RMST: variants seen among roughly 807,000 people sequenced by gnomAD.
The protein encoded by RMST is long intergenic non-protein coding RNA 54.
intron 10 of RMST, among the ~76,000 whole-genome samples, chr12:97,518,970 G>T (rs1436205048): frequency 6.6e-6 from 1 of 151,990 alleles, no homozygotes; most frequent in Non-Finnish European, 1.5e-5. Context: ...TAGAGATGAG[G>T]TCTCACTATA....
intron 10 of RMST, chr12:97,530,525 T>G (rs184192378): frequency 6.6e-6 from 1 of 152,174 alleles, no homozygotes; most frequent in Non-Finnish European, 1.5e-5. Context: ...TCTCGGAATC[T>G]AAATGTGACA....
intron 11 of RMST, among the ~76,000 whole-genome samples, chr12:97,531,065 G>A (rs753281449): frequency 7.2e-6 from 1 of 138,034 alleles, no homozygotes; most frequent in Non-Finnish European, 1.6e-5. Context: ...AGCTTTTGAT[G>A]ATGAAAATGG....
chr12:97,527,897 G>GA (rs757298188), intron 10 of RMST, among the ~76,000 whole-genome samples: 1 of 151,590 alleles, frequency 6.6e-6, no homozygotes, highest in South Asian at 2.1e-4. Flanking sequence ...ATATTTCACA[G>GA]AAAAAAAATA....
At chr12:97,534,037 A>G (rs961597348) in intron 11 of RMST, among the ~76,000 whole-genome samples, 1 of 151,788 alleles carries the variant, frequency 6.6e-6, no homozygotes, top group African/African-American at 2.4e-5. Context: ...GAGTTGGATA[A>G]TACCTTGAAG....
At chr12:97,483,422 A>T (rs1421612368) in intron 5 of RMST, 1 of 152,198 alleles carries the variant, frequency 6.6e-6, no homozygotes, top group Non-Finnish European at 1.5e-5. Flanking sequence ...AGTATTTTCT[A>T]TTCTTCAGAC....
intron 10 of RMST, among the ~76,000 whole-genome samples, chr12:97,528,466 T>A (rs746735929): frequency 6.6e-6 from 1 of 152,144 alleles, no homozygotes; most frequent in Non-Finnish European, 1.5e-5. Context: ...TCTCTGGGCA[T>A]TTCCTAGGAA....
chr12:97,555,013 C>G (rs1241799234), intron 11 of RMST, among the ~76,000 whole-genome samples: 1 of 152,052 alleles, frequency 6.6e-6, no homozygotes, highest in African/African-American at 2.4e-5. Flanking sequence ...GTATTTGTCT[C>G]TACAGCATAT....
intron 5 of RMST, among the ~76,000 whole-genome samples, chr12:97,478,196 G>C (rs1016786234): frequency 2.0e-5 from 3 of 152,126 alleles, no homozygotes; most frequent in Non-Finnish European, 2.9e-5. Flanking sequence ...AAAATGGAAG[G>C]CTCTTTGTAT....
At chr12:97,474,465 G>C (rs11109050) in intron 5 of RMST, among the ~76,000 whole-genome samples, 16,519 of 151,902 alleles carry the variant, frequency 0.11, 1,096 homozygotes, top group East Asian at 0.17. Flanking sequence ...TAAAAGATGT[G>C]GTTGAGAAAT....
chr12:97,550,544 C>A (rs975087044), intron 11 of RMST, among the ~76,000 whole-genome samples: 21 of 152,146 alleles, frequency 1.4e-4, no homozygotes, highest in African/African-American at 5.1e-4. Flanking sequence ...ATGTAGTTAG[C>A]AAATTCTCAC....
chr12:97,496,471 G>T lies in RMST; in HGVS notation n.1340+415G>T, dbSNP rs538002470. 5.3e-5 allele frequency among the ~76,000 whole-genome samples: 8 copies of T among 152,168 alleles called. No individual in the cohort carries two copies. The East Asian group carries it at 1.2e-3, about 22-fold the overall frequency. On this transcript the variant is annotated intron_variant and non_coding_transcript_variant, in intron 10 of 13. Transcript: ENST00000640149. ...ATATATGTGTTTTACAAAATTTTAC[G>T]TGTCATTATTTGCTCCTATTAGAAC...
chr12:97,473,791 T>A (rs1874206395), intron 5 of RMST, among the ~76,000 whole-genome samples: 1 of 152,146 alleles, frequency 6.6e-6, no homozygotes, highest in Non-Finnish European at 1.5e-5. Context: ...TTTGTATGCA[T>A]GTTCATAATC....
intron 11 of RMST, among the ~76,000 whole-genome samples, chr12:97,534,715 C>T (rs1340533892): frequency 2.6e-5 from 4 of 151,702 alleles, no homozygotes; most frequent in Non-Finnish European, 5.9e-5. Flanking sequence ...TCGGTTTCCA[C>T]CTAATCCACC....
At chr12:97,534,196 C>T (rs557793194) in intron 11 of RMST, among the ~76,000 whole-genome samples, 1 of 151,774 alleles carries the variant, frequency 6.6e-6, no homozygotes, top group South Asian at 2.1e-4. Flanking sequence ...TCAGCTTTAG[C>T]TTCAGTACAT....
At chr12:97,474,730 TG>T (rs1874344399) in intron 5 of RMST, among the ~76,000 whole-genome samples, 1 of 147,334 alleles carries the variant, frequency 6.8e-6, no homozygotes, top group African/African-American at 2.5e-5. Context: ...AGAAAATATG[TG>T]GAAAAAAAAT....
chr12:97,544,584 A>C (rs952388112), intron 11 of RMST, among the ~76,000 whole-genome samples: 12 of 152,092 alleles, frequency 7.9e-5, no homozygotes, highest in Non-Finnish European at 1.3e-4. Flanking sequence ...CCATAGCCAG[A>C]GATGGTACCA....
chr12:97,554,893 C>T (rs1334786095), intron 11 of RMST, among the ~76,000 whole-genome samples: 1 of 152,154 alleles, frequency 6.6e-6, no homozygotes, highest in Non-Finnish European at 1.5e-5. Context: ...CAGTGAGCTT[C>T]CAGGACATCT....
At position 97,524,634 on chromosome 12, in the gene RMST, C is replaced by T. The variant is rs1565931458; in HGVS notation, n.1341-6021C>T. Among the ~76,000 whole-genome samples, 7 of 152,122 alleles carry T rather than the reference C, an allele frequency of 4.6e-5. No individual in the cohort carries two copies. In the South Asian group the frequency reaches 1.2e-3, roughly 27 times the overall value. On this transcript the variant is annotated intron_variant and non_coding_transcript_variant, in intron 10 of 13. Coordinates refer to ENST00000640149, the Ensembl canonical transcript of RMST. ...CCTGAGTTTTATGCTCTTTTACAGA[C>T]AAGACAATTGAGGCAACAGGTTGCC...
At chr12:97,500,197 T>A (rs1412870074) in intron 10 of RMST, among the ~76,000 whole-genome samples, 2 of 152,142 alleles carry the variant, frequency 1.3e-5, no homozygotes, top group Admixed American at 1.3e-4. Flanking sequence ...CCGATGTAAA[T>A]GTAAGAGAAG....
Sources: allele counts gnomAD v4.1 joint callset (sites outside exome capture counted in the v4.1 genomes callset), GRCh38; gene constraint gnomAD v4.1.1; transcripts MANE v1.5; gene names NCBI Gene and HGNC (gene_info 2026-07-23, HGNC 2026-07-21).